The following KLRG1 variants were observed in gnomAD, a reference collection of about 807,000 sequenced individuals.
KLRG1 encodes the protein killer cell lectin-like receptor subfamily G member 1.
In KLRG1, 16 loss-of-function variants were observed where a neutral mutation model predicts 21.8. That is an observed-to-expected ratio of 0.73 (90% CI 0.50 to 1.11). KLRG1 has a LOEUF of 1.11. Ranked by LOEUF, KLRG1 falls within the 50% of genes most tolerant of loss-of-function variation. The probability of loss-of-function intolerance (pLI) is 0.00; values close to 1 mark genes in which losing one functional copy is unlikely to be tolerated. For missense variants in KLRG1, 173 were observed against 218.3 expected (o/e 0.79, Z 1.31); for synonymous variants, 69 against 75.9 (o/e 0.91, Z 0.47).
chr12:9,049,482 C>T, the KLRG1 span, among the ~76,000 whole-genome samples: 1,600 of 152,132 alleles, frequency 0.011, 36 homozygotes, highest in African/African-American at 0.037. Flanking sequence ...TTGTAGAATA[C>T]ATTGTTTCTA....
chr12:9,012,381 A>G (rs1050780769), downstream of KLRG1, among the ~76,000 whole-genome samples: 2 of 152,140 alleles, frequency 1.3e-5, no homozygotes, highest in South Asian at 2.1e-4. Flanking sequence ...TGGACCAGAA[A>G]GGAATGTGCT....
At chr12:9,155,476 G>GT in the KLRG1 span, among the ~76,000 whole-genome samples, 5 of 148,166 alleles carry the variant, frequency 3.4e-5, no homozygotes, top group African/African-American at 1.2e-4. Flanking sequence ...TTCTTGTTTT[G>GT]TTTTTTGTTG....
the KLRG1 span, among the ~76,000 whole-genome samples, chr12:9,027,348 A>G: frequency 6.6e-6 from 1 of 152,060 alleles, no homozygotes; most frequent in Admixed American, 6.5e-5. Context: ...TTATACAATT[A>G]GTCACAAACA....
chr12:9,004,818 T>G (rs1267691789), intron 3 of KLRG1, among the ~76,000 whole-genome samples: 2 of 147,174 alleles, frequency 1.4e-5, no homozygotes, highest in Non-Finnish European at 3.0e-5. Flanking sequence ...TTTTTCTAGG[T>G]GCTAGGGATA....
the KLRG1 span, chr12:9,196,329 C>A: frequency 6.3e-7 from 1 of 1,595,452 alleles, no homozygotes; most frequent in Non-Finnish European, 8.6e-7. Flanking sequence ...ACATATCTTA[C>A]CTGTGCAAAA....
rs1033500637 is a variant in KLRG1, at chr12:8,957,548, G to GT, written c.-156+7321dup. Among the ~76,000 whole-genome samples the GT allele has an allele frequency of 5.3e-3, 789 of 150,098 alleles. 11 individuals are homozygous for GT. The highest frequency in any genetic ancestry group is 0.017 in the African/African-American group (704 of 40,842). On this transcript the variant is annotated intron_variant, in intron 1 of 4. Coordinates refer to the KLRG1 transcript ENST00000539240. ...GTTTTGTTTTGTTTTTTTGTTTTTT[G>GT]TTTTTTTTTAGTAAGTCAAGAACCT...
chr12:9,122,373 T>G, the KLRG1 span, among the ~76,000 whole-genome samples: 1 of 152,234 alleles, frequency 6.6e-6, no homozygotes, highest in African/African-American at 2.4e-5. Context: ...TGTGGAACTT[T>G]CCAGTGTCAG....
chr12:9,017,203 G>A, the KLRG1 span, among the ~76,000 whole-genome samples: 1 of 136,578 alleles, frequency 7.3e-6, no homozygotes, highest in African/African-American at 2.8e-5. Flanking sequence ...GGTGGAGGTT[G>A]CAGTGAGCCG....
the KLRG1 span, chr12:9,091,529 A>C: frequency 8.1e-7 from 1 of 1,233,924 alleles, no homozygotes; most frequent in Non-Finnish European, 1.1e-6. Context: ...TGACTTAAAA[A>C]CACTCAATAG....
the KLRG1 span, among the ~76,000 whole-genome samples, chr12:9,025,644 A>C: frequency 0.31 from 47,635 of 151,882 alleles, 7,536 homozygotes; most frequent in Admixed American, 0.37. Flanking sequence ...CTCAAAAAAA[A>C]CCCAAAAAAT....
At chr12:9,022,360 A>G in the KLRG1 span, among the ~76,000 whole-genome samples, 48,916 of 151,994 alleles carry the variant, frequency 0.32, 7,888 homozygotes, top group Admixed American at 0.38. Context: ...TTTCAACTCC[A>G]TTACAGTCTT....
the KLRG1 span, among the ~76,000 whole-genome samples, chr12:9,208,927 A>G: frequency 9.8e-5 from 15 of 152,316 alleles, 1 homozygote; most frequent in African/African-American, 3.6e-4. Context: ...GGAGTTATCA[A>G]AGATCACACT....
At chr12:9,162,055 C>A in the KLRG1 span, among the ~76,000 whole-genome samples, 1 of 152,038 alleles carries the variant, frequency 6.6e-6, no homozygotes, top group East Asian at 1.9e-4. Flanking sequence ...TCCCCCTGCC[C>A]GGCTCAAGCG....
the KLRG1 span, chr12:9,192,168 G>A: frequency 6.3e-7 from 1 of 1,599,380 alleles, no homozygotes. Flanking sequence ...GGGGAGCAAG[G>A]AGAGATGAAT....
the KLRG1 span, chr12:9,077,477 G>T: frequency 6.5e-7 from 1 of 1,531,908 alleles, no homozygotes; most frequent in Non-Finnish European, 8.9e-7. Context: ...CTATTGATTA[G>T]TTCTTTCTAT....
chr12:9,076,646 GA>G, the KLRG1 span: 5 of 950,830 alleles, frequency 5.3e-6, no homozygotes, highest in Non-Finnish European at 6.4e-6. Context: ...ATGATATATA[GA>G]AAAGAAGAGA....
chr12:8,963,268 T>C (rs1232639056), intron 1 of KLRG1, among the ~76,000 whole-genome samples: 1 of 152,074 alleles, frequency 6.6e-6, no homozygotes, highest in Non-Finnish European at 1.5e-5. Context: ...AAAAGATATA[T>C]TAAAGGAATT....
the KLRG1 span, among the ~76,000 whole-genome samples, chr12:9,087,674 A>G: frequency 6.6e-6 from 1 of 152,262 alleles, no homozygotes; most frequent in Non-Finnish European, 1.5e-5. Context: ...CACAAAACAT[A>G]AGTATTTCAG....
At chr12:9,103,360 T>C in the KLRG1 span, among the ~76,000 whole-genome samples, 2 of 152,222 alleles carry the variant, frequency 1.3e-5, no homozygotes, top group Non-Finnish European at 2.9e-5. Flanking sequence ...CCAGTATTTT[T>C]AACCACTTTA....
Sources: gnomAD v4.1 joint callset for allele counts (sites outside exome capture counted in the v4.1 genomes callset) on GRCh38, gnomAD v4.1.1 for gene constraint, MANE v1.5 for transcripts, NCBI Gene and HGNC (gene_info 2026-07-23, HGNC 2026-07-21) for gene names.